PDXDC1: variants seen among roughly 807,000 people sequenced by gnomAD.
PDXDC1 encodes the protein pyridoxal-dependent decarboxylase domain-containing protein 1.
A neutral mutation model predicts 100.1 loss-of-function variants in PDXDC1; 42 were observed. The observed-to-expected ratio is 0.42, with a 90% CI of 0.33 to 0.54. The LOEUF (loss-of-function observed/expected upper bound fraction) is 0.54. Among genes scored for constraint, PDXDC1 ranks in the 20% least tolerant of loss-of-function variants. The pLI is 0.10. For missense variants in PDXDC1, 636 were observed against 979.2 expected (o/e 0.65, Z 4.68); for synonymous variants, 260 against 371.7 (o/e 0.70, Z 3.46).
At chr16:15,089,833 A>G (rs2046059886) in intron 16 of PDXDC1, among the ~76,000 whole-genome samples, 1 of 147,794 alleles carries the variant, frequency 6.8e-6, no homozygotes, top group Non-Finnish European at 1.5e-5. Flanking sequence ...ATCAGGAGAC[A>G]GGAGGATCAG....
At chr16:15,084,624 A>C in intron 16 of PDXDC1, 1 of 1,545,904 alleles carries the variant, frequency 6.5e-7, no homozygotes, top group Non-Finnish European at 8.9e-7. Flanking sequence ...CATTCAAAAT[A>C]AGGAAAAGTA....
chr16:15,022,046 G>C, intron 12 of PDXDC1, among the ~76,000 whole-genome samples: 1 of 152,292 alleles, frequency 6.6e-6, no homozygotes, highest in Non-Finnish European at 1.5e-5. Context: ...CCAGTACTCA[G>C]TGAATATCTG....
At chr16:15,130,498 G>A (rs766656907) in intron 16 of PDXDC1, 22 of 1,371,212 alleles carry the variant, frequency 1.6e-5, no homozygotes, top group East Asian at 9.2e-5. Flanking sequence ...GGCTCCGCCA[G>A]GTTGGATATC....
At chr16:15,143,470 G>A (rs1323266247), downstream of PDXDC1, among the ~76,000 whole-genome samples, 2 of 152,186 alleles carry the variant, frequency 1.3e-5, no homozygotes, top group East Asian at 1.9e-4. Flanking sequence ...CCCGCCACCC[G>A]GGCGTGTGAA....
intron 16 of PDXDC1, among the ~76,000 whole-genome samples, chr16:15,089,779 G>A (rs1232609009): frequency 1.5e-4 from 13 of 88,964 alleles, no homozygotes; most frequent in South Asian, 4.5e-4. Flanking sequence ...CAGCCTGGGC[G>A]ACAGAGCAAA....
chr16:15,034,849 C>T (rs1419637849), intron 21 of PDXDC1, among the ~76,000 whole-genome samples: 1 of 152,224 alleles, frequency 6.6e-6, no homozygotes, highest in African/African-American at 2.4e-5. Context: ...GTGTCTTGGG[C>T]ATTTTGGTTC....
chr16:14,982,798 G>T (rs1429438850), intron 1 of PDXDC1, among the ~76,000 whole-genome samples: 1 of 152,228 alleles, frequency 6.6e-6, no homozygotes, highest in Non-Finnish European at 1.5e-5. Context: ...TGGTGTTTGG[G>T]GAACTTGTTT....
At chr16:15,090,324 C>T (rs1027866549) in intron 16 of PDXDC1, among the ~76,000 whole-genome samples, 102 of 152,230 alleles carry the variant, frequency 6.7e-4, no homozygotes, top group African/African-American at 2.4e-3. Flanking sequence ...AATGATACAG[C>T]GCAGTCAGCT....
downstream of PDXDC1, chr16:15,041,751 C>T (rs2043824807): frequency 6.5e-6 from 7 of 1,079,006 alleles, no homozygotes; most frequent in Admixed American, 1.7e-5. Flanking sequence ...AGCAAGCCAA[C>T]GACAGGGAGG....
chr16:15,049,434 A>T (rs563377344), intron 16 of PDXDC1, among the ~76,000 whole-genome samples: 27 of 146,416 alleles, frequency 1.8e-4, no homozygotes, highest in African/African-American at 4.8e-4. Context: ...CTTTTATCTT[A>T]TTTTTTTTTT....
intron 12 of PDXDC1, 134 bp from the exon 13 acceptor site, chr16:15,022,570 A>C: frequency 1.5e-6 from 1 of 675,710 alleles, no homozygotes; most frequent in South Asian, 2.3e-5. Flanking sequence ...CAGGTGGCTG[A>C]ACTTAGAAAC....
chr16:15,124,956 C>G (rs1798195219), intron 16 of PDXDC1, among the ~76,000 whole-genome samples: 1 of 150,802 alleles, frequency 6.6e-6, no homozygotes, highest in Non-Finnish European at 1.5e-5. Context: ...AGACCAGCCT[C>G]ACCAACATGC....
chr16:15,142,097 C>T (rs968572555), downstream of PDXDC1, among the ~76,000 whole-genome samples: 10 of 152,162 alleles, frequency 6.6e-5, no homozygotes, highest in African/African-American at 2.4e-4. Context: ...CCCACCCAGG[C>T]CACGGGAGAA....
At chr16:15,125,487 C>A (rs546056742) in intron 16 of PDXDC1, 5 of 1,179,856 alleles carry the variant, frequency 4.2e-6, no homozygotes, top group Non-Finnish European at 3.8e-6. Flanking sequence ...GCAGCCCGCA[C>A]ACCCCCGGTA....
intron 13 of PDXDC1, chr16:15,026,338 G>T: frequency 2.2e-6 from 1 of 445,104 alleles, no homozygotes; most frequent in South Asian, 4.6e-5. Context: ...CTTCTTACTG[G>T]TTTTAATCTT....
In PDXDC1 at chr16:15,036,183, C is replaced by T; in HGVS notation, c.2275C>T (p.Gln759Ter). The T allele has an allele frequency of 5.6e-6, 9 of 1,614,160 alleles. No individual in the cohort carries two copies. The highest frequency in any genetic ancestry group is 7.6e-6 in the Non-Finnish European group (9 of 1,180,036). Residue 759 changes from glutamine (Q) to a stop codon, truncating the protein, a stop_gained, in exon 23 of 23, where the codon CAG (glutamine) becomes TAG (stop). Coordinates refer to ENST00000396410, the MANE Select transcript of PDXDC1 (RefSeq NM_015027.4). LOFTEE classifies it low-confidence loss of function (END_TRUNC). ...GGGACACCCAGGGGCTCCCAGCCCTCAGCACACCGACCAGACCGAGGCCTT... is the reference window on the plus strand; with the variant it reads ...GGGACACCCAGGGGCTCCCAGCCCTTAGCACACCGACCAGACCGAGGCCTT... ...TEGHPGAPSP[Q>*]HTDQTEAFQK...
intron 16 of PDXDC1, among the ~76,000 whole-genome samples, chr16:15,049,896 G>A (rs185109434): frequency 6.6e-6 from 1 of 152,290 alleles, no homozygotes; most frequent in East Asian, 1.9e-4. Flanking sequence ...TATAAAAAAT[G>A]TTTTAAAGAG....
chr16:15,111,756 C>CAAAA lies in PDXDC1; in HGVS notation c.1400-27103_1400-27100dup, dbSNP rs1202549941. Among the ~76,000 whole-genome samples the CAAAA allele has an allele frequency of 7.2e-4, 42 of 58,490 alleles. 1 individual carries two copies. The highest frequency in any genetic ancestry group is 1.0e-3 in the African/African-American group (14 of 14,002). 38.4% of individuals were successfully genotyped at this position (58,490 alleles called of 152,430 possible). A position where few individuals can be genotyped will look rare whatever the true frequency, so the allele number is the denominator to read the frequency against. ...CTGGTGACAGAGTGAGACTCCGTCTCAAAAAAAAAAAAAAAAAAAAAAATG... is the reference window on the plus strand; with the variant it reads ...CTGGTGACAGAGTGAGACTCCGTCTCAAAAAAAAAAAAAAAAAAAAAAAAAAATG... On this transcript the variant is annotated intron_variant, in intron 16 of 16. Transcript: ENST00000535621.
chr16:14,991,135 A>T (rs771120184), intron 1 of PDXDC1, among the ~76,000 whole-genome samples: 1 of 152,284 alleles, frequency 6.6e-6, no homozygotes, highest in Non-Finnish European at 1.5e-5. Context: ...GTGAATCTGC[A>T]TTTCCCTCCT....
Sources: gnomAD v4.1 joint callset for allele counts (sites outside exome capture counted in the v4.1 genomes callset) on GRCh38, gnomAD v4.1.1 for gene constraint, MANE v1.5 for transcripts, NCBI Gene and HGNC (gene_info 2026-07-23, HGNC 2026-07-21) for gene names.